SMR3A: variants seen among roughly 807,000 people sequenced by gnomAD.
SMR3A encodes submaxillary gland androgen regulated protein 3A.
For missense variants in SMR3A, 188 were observed against 163.0 expected (o/e 1.15, Z -0.84); for synonymous variants, 48 against 57.4 (o/e 0.84, Z 0.74).
At chr4:70,362,775 G>C (rs1323353991) in intron 2 of SMR3A, among the ~76,000 whole-genome samples, 2 of 151,532 alleles carry the variant, frequency 1.3e-5, no homozygotes, top group East Asian at 1.9e-4. Flanking sequence ...TCAACAGAAG[G>C]GTCAATTAAT....
Position 70,367,143 on chromosome 4 carries a change from A to G in SMR3A, c.*149A>G. The G allele has an allele frequency of 2.8e-6, 2 of 711,474 alleles. No individual in the cohort carries two copies. Among genetic ancestry groups the G allele is most frequent in the East Asian group, 2.7e-5 (1 of 37,286 alleles). 44.1% of individuals were successfully genotyped at this position (711,474 alleles called of 1,614,324 possible). ...CTTCCATTTTTGGATGAGAATAAAG[A>G]TTTCCAAAGCACTGAGCTTTTGGGA... On this transcript the variant is annotated 3_prime_UTR_variant, in exon 3 of 3. Coordinates refer to ENST00000226460, the MANE Select transcript of SMR3A (RefSeq NM_012390.4).
intron 2 of SMR3A, among the ~76,000 whole-genome samples, chr4:70,366,171 T>C (rs1732256373): frequency 2.6e-5 from 4 of 152,044 alleles, no homozygotes; most frequent in Admixed American, 2.6e-4. Flanking sequence ...GAGCTTGGCT[T>C]AGGTGGCTTC....
rs779547864 is a variant in SMR3A at position 70,366,870 on chromosome 4, T to C, written c.281T>C (p.Leu94Pro). The C allele has an allele frequency of 4.3e-6, 7 of 1,613,158 alleles. No individual in the cohort carries two copies. Among genetic ancestry groups the C allele is most frequent in the Non-Finnish European group, 5.1e-6 (6 of 1,179,514 alleles). The change falls in exon 3 of 3, where the codon CTT (leucine) becomes CCT (proline). Residue 94 changes from leucine to proline, a missense_variant. Leu to Pro is a moderately conservative substitution (Grantham distance 98, BLOSUM62 -3). Transcript: ENST00000226460. ...YGPGRIQSHS[L>P]PPPYGPGYPQ... ...CCAGGGAGAATTCAATCACACTCTC[T>C]TCCTCCTCCTTATGGCCCAGGTTAT...
chr4:70,363,120 C>T (rs1732183102), intron 2 of SMR3A, among the ~76,000 whole-genome samples: 1 of 151,890 alleles, frequency 6.6e-6, no homozygotes, highest in Non-Finnish European at 1.5e-5. Flanking sequence ...TTAATGACTT[C>T]ATCATAAAGC....
rs763272054 is a variant in SMR3A, at chr4:70,366,842, G to T, written c.253G>T (p.Gly85Cys). The part of the protein sequence containing the change: ...RIPPSPPPPY[G>C]PGRIQSHSLP... The stretch of plus-strand genomic sequence containing the variant: ...CCCACCATCCCCTCCTCCACCCTAT[G>T]GTCCAGGGAGAATTCAATCACACTC... The change falls in exon 3 of 3, where the codon GGT (glycine) becomes TGT (cysteine). Residue 85 changes from glycine to cysteine, a missense_variant. By Grantham distance (159) the Gly-to-Cys change is radical (BLOSUM62 -3). Coordinates refer to ENST00000226460, the MANE Select transcript of SMR3A (RefSeq NM_012390.4). 2 of 1,613,336 alleles carry T rather than the reference G, an allele frequency of 1.2e-6. No individual in the cohort carries two copies. The highest frequency in any genetic ancestry group is 1.7e-6 in the Non-Finnish European group (2 of 1,179,722).
chr4:70,363,564 G>T (rs1732193148), intron 2 of SMR3A, among the ~76,000 whole-genome samples: 1 of 151,926 alleles, frequency 6.6e-6, no homozygotes, highest in Non-Finnish European at 1.5e-5. Context: ...ATTGAATAAT[G>T]TAGGAGATTA....
intron 2 of SMR3A, among the ~76,000 whole-genome samples, chr4:70,365,877 G>A (rs1255269935): frequency 6.6e-6 from 1 of 151,970 alleles, no homozygotes; most frequent in East Asian, 1.9e-4. Flanking sequence ...TTCCCATGCT[G>A]CAAAGGCATT....
rs1016313924 is a variant in SMR3A, at chr4:70,362,159, C to T, written c.44C>T (p.Ala15Val). Residue 15 changes from alanine to valine, a missense_variant, in exon 2 of 3, where the codon GCG becomes GTG. Transcript: ENST00000226460. ...ATCTTGGGCCTTTGGGCTCTTGCAGCGTGTTTCACAGTAAGTATCATTAAT... is the reference window on the plus strand; with the variant it reads ...ATCTTGGGCCTTTGGGCTCTTGCAGTGTGTTTCACAGTAAGTATCATTAAT... ...TWILGLWALA[A>V]CFTPGESQRG... 8 of 1,611,612 alleles carry T rather than the reference C, an allele frequency of 5.0e-6. No individual in the cohort carries two copies. The highest frequency in any genetic ancestry group is 3.3e-5 in the Admixed American group (2 of 59,868).
chr4:70,367,034 C>A lies in SMR3A; in HGVS notation c.*40C>A. 1 of 1,535,970 alleles carries A rather than the reference C, an allele frequency of 6.5e-7. No homozygotes were observed. Among genetic ancestry groups the A allele is most frequent in the Non-Finnish European group, 9.0e-7 (1 of 1,113,190 alleles). On this transcript the variant is annotated 3_prime_UTR_variant, in exon 3 of 3. Coordinates refer to ENST00000226460, the MANE Select transcript of SMR3A (RefSeq NM_012390.4). ...AACAGGTGCCACCACCCACAAAAGA[C>A]AACACTACCCTCGTAACTACTGCTT...
chr4:70,364,481 G>T lies in SMR3A; in HGVS notation c.55-2163G>T, dbSNP rs1284826093. 3.6e-5 allele frequency among the ~76,000 whole-genome samples: 5 copies of T among 137,668 alleles called. No homozygotes were observed. In the East Asian group the frequency reaches 1.2e-3, roughly 32 times the overall value. 90.3% of individuals were successfully genotyped at this position (137,668 alleles called of 152,430 possible). A position where few individuals can be genotyped will look rare whatever the true frequency, so the allele number is the denominator to read the frequency against. On this transcript the variant is annotated intron_variant, in intron 2 of 2. Coordinates refer to ENST00000226460, the MANE Select transcript of SMR3A (RefSeq NM_012390.4). ...ATGATAGTGTTTTTCTGAAGAAAAT[G>T]AGCTAATTAAATGGCAGATATTACT...
intron 2 of SMR3A, among the ~76,000 whole-genome samples, chr4:70,365,016 T>G (rs978358044): frequency 7.9e-5 from 12 of 152,022 alleles, no homozygotes; most frequent in African/African-American, 2.9e-4. Flanking sequence ...ATAAACCATC[T>G]GCTCCAAGCA....
Position 70,366,644 on chromosome 4 carries a change from C to G in SMR3A, c.55C>G (p.Pro19Ala). ...ATTATTTACTTCTTTGTTTCCACAG[C>G]CTGGTGAGAGTCAAAGAGGCCCCAG... ...GLWALAACFT[P>A]GESQRGPRGP... Residue 19 changes from proline to alanine, a missense_variant and splice_region_variant, in exon 3 of 3, where the codon CCT becomes GCT. Pro to Ala is a conservative substitution (Grantham distance 27). Coordinates refer to ENST00000226460, the MANE Select transcript of SMR3A (RefSeq NM_012390.4). 4 of 1,598,536 alleles carry G rather than the reference C, an allele frequency of 2.5e-6. No homozygotes were observed. The South Asian group carries it at 3.4e-5, about 13-fold the overall frequency.
intron 2 of SMR3A, among the ~76,000 whole-genome samples, chr4:70,364,441 T>A (rs535550829): frequency 2.0e-5 from 3 of 151,760 alleles, no homozygotes; most frequent in African/African-American, 4.8e-5. Context: ...AGAAAAAAAA[T>A]TGAGTTGAAC....
intron 2 of SMR3A, among the ~76,000 whole-genome samples, chr4:70,365,164 C>T (rs1295640893): frequency 5.3e-5 from 8 of 152,018 alleles, no homozygotes; most frequent in African/African-American, 7.2e-5. Flanking sequence ...ATCACAGAGA[C>T]AATCCTTTAT....
At chr4:70,362,293 AC>A (rs2109750715) in intron 2 of SMR3A, 124 bp downstream of exon 2, 1 of 1,520,274 alleles carries the variant, frequency 6.6e-7, no homozygotes, top group African/African-American at 1.4e-5. Flanking sequence ...CGTTGATGAA[AC>A]ACTGTTCTAG....
At chr4:70,365,608 A>C (rs1454394718) in intron 2 of SMR3A, among the ~76,000 whole-genome samples, 1 of 151,990 alleles carries the variant, frequency 6.6e-6, no homozygotes, top group Admixed American at 6.6e-5. Flanking sequence ...ATGAAATCCC[A>C]GACACTCATT....
rs534706411 is a variant in SMR3A, at chr4:70,361,570, A to T, written c.-14-532A>T. Among the ~76,000 whole-genome samples, 9 of 151,930 alleles carry T rather than the reference A, an allele frequency of 5.9e-5. No individual in the cohort carries two copies. In the East Asian group the frequency reaches 1.6e-3, roughly 26 times the overall value. ...AGTGGAATGTTGTTAAAACTAGGAGATATATAATATGACTCTTTTTTTCTT... is the reference window on the plus strand; with the variant it reads ...AGTGGAATGTTGTTAAAACTAGGAGTTATATAATATGACTCTTTTTTTCTT... On this transcript the variant is annotated intron_variant, in intron 1 of 2. Coordinates refer to ENST00000226460, the MANE Select transcript of SMR3A (RefSeq NM_012390.4).
In SMR3A at chr4:70,367,068, CA is replaced by C; in HGVS notation, c.*79del. 7.8e-7 allele frequency: 1 copy of C among 1,289,038 alleles called. No individual in the cohort carries two copies. The allele number at this position is 1,289,038 out of a possible 1,614,324, so 79.9% of individuals were successfully genotyped here. A position where few individuals can be genotyped will look rare whatever the true frequency, so the allele number is the denominator to read the frequency against. ...CCTCGTAACTACTGCTTCTACTACCCAAAAATAAGAATTTCAACACTACTTC... is the reference window on the plus strand; with the variant it reads ...CCTCGTAACTACTGCTTCTACTACCCAAAATAAGAATTTCAACACTACTTC... On this transcript the variant is annotated 3_prime_UTR_variant, in exon 3 of 3. Coordinates refer to ENST00000226460, the MANE Select transcript of SMR3A (RefSeq NM_012390.4).
At chr4:70,363,758 C>T (rs1392840727) in intron 2 of SMR3A, among the ~76,000 whole-genome samples, 1 of 151,932 alleles carries the variant, frequency 6.6e-6, no homozygotes, top group Non-Finnish European at 1.5e-5. Flanking sequence ...AGATCAACAT[C>T]GGTATATCTT....
Sources: allele counts gnomAD v4.1 joint callset (sites outside exome capture counted in the v4.1 genomes callset), GRCh38; gene constraint gnomAD v4.1.1; transcripts MANE v1.5; gene names NCBI Gene and HGNC (gene_info 2026-07-23, HGNC 2026-07-21).